Variants in ELK3 observed in about 807,000 individuals in gnomAD.
ELK3 encodes ETS domain-containing protein Elk-3.
Under a neutral mutation model 28.9 loss-of-function variants are expected in ELK3, and 10 were observed. The observed-to-expected ratio is 0.35, with a 90% CI of 0.21 to 0.59. The LOEUF (loss-of-function observed/expected upper bound fraction) is 0.59, where lower values mean the gene tolerates loss of function less well. ELK3 is among the 20% of genes least tolerant of loss of function. The pLI is 0.82. For missense variants in ELK3, 463 were observed against 517.3 expected, an observed-to-expected ratio of 0.90 and a Z score of 1.02; for synonymous variants, 272 against 243.5, an observed-to-expected ratio of 1.12 and a Z score of -1.09.
intron 2 of ELK3, among the ~76,000 whole-genome samples, chr12:96,237,000 G>A (rs1592682456): frequency 6.6e-6 from 1 of 152,096 alleles, no homozygotes; most frequent in African/African-American, 2.4e-5. Flanking sequence ...CTGCCTCCAC[G>A]TCCCATGACC....
intron 1 of ELK3, among the ~76,000 whole-genome samples, chr12:96,206,500 A>G (rs941889397): frequency 6.6e-6 from 1 of 151,992 alleles, no homozygotes; most frequent in Non-Finnish European, 1.5e-5. Context: ...TATTTTTAGT[A>G]GAGATGTTGG....
intron 1 of ELK3, among the ~76,000 whole-genome samples, chr12:96,219,390 C>T (rs1416853702): frequency 1.3e-5 from 2 of 152,122 alleles, no homozygotes; most frequent in African/African-American, 2.4e-5. Context: ...ATTGGAAGGG[C>T]GTACCTCCCA....
chr12:96,218,983 T>TA (rs1413004932), intron 1 of ELK3, among the ~76,000 whole-genome samples: 3 of 152,110 alleles, frequency 2.0e-5, no homozygotes, highest in African/African-American at 4.8e-5. Flanking sequence ...AAGGGAATTT[T>TA]AAAAAAAAGA....
chr12:96,210,081 A>T (rs972364808), intron 1 of ELK3, among the ~76,000 whole-genome samples: 28 of 152,156 alleles, frequency 1.8e-4, no homozygotes, highest in African/African-American at 6.8e-4. Flanking sequence ...TTTGGGGAAA[A>T]GATTTTCCAT....
rs146090608 is a variant in ELK3 at position 96,244,005 on chromosome 12, C to CAA, written c.208-2916_208-2915dup. ...TGGACGACAGAGCAAGACTCCATCTCAAAAAAAAAAAAAAAAAAAATCTAT... is the reference window on the plus strand; with the variant it reads ...TGGACGACAGAGCAAGACTCCATCTCAAAAAAAAAAAAAAAAAAAAAATCTAT... On this transcript the variant is annotated intron_variant, in intron 2 of 4. Transcript: ENST00000228741. Among the ~76,000 whole-genome samples the CAA allele has an allele frequency of 1.0e-3, 114 of 111,098 alleles. 1 individual carries two copies. In the Middle Eastern group the frequency reaches 0.014, roughly 13 times the overall value. 72.9% of individuals were successfully genotyped at this position (111,098 alleles called of 152,430 possible). A position where few individuals can be genotyped will look rare whatever the true frequency, so the allele number is the denominator to read the frequency against.
chr12:96,231,786 G>C (rs1345026695), intron 2 of ELK3, among the ~76,000 whole-genome samples: 1 of 152,140 alleles, frequency 6.6e-6, no homozygotes, highest in African/African-American at 2.4e-5. Context: ...ACCTGGCCTA[G>C]GGTTTTTAAT....
chr12:96,261,506 C>A (rs181396452), intron 4 of ELK3, among the ~76,000 whole-genome samples: 1 of 152,176 alleles, frequency 6.6e-6, no homozygotes, highest in African/African-American at 2.4e-5. Context: ...CAGCAGAATT[C>A]TAAAATTAAT....
At chr12:96,259,154 C>T (rs966059758) in intron 3 of ELK3, among the ~76,000 whole-genome samples, 8 of 152,232 alleles carry the variant, frequency 5.3e-5, no homozygotes, top group South Asian at 4.1e-4. Context: ...ACCATTCGGA[C>T]GAAAGTTGAT....
At chr12:96,227,046 C>T (rs1182490719) in intron 2 of ELK3, among the ~76,000 whole-genome samples, 1 of 152,216 alleles carries the variant, frequency 6.6e-6, no homozygotes, top group Non-Finnish European at 1.5e-5. Context: ...CCGTTTTCGA[C>T]TCACAGAAAT....
At chr12:96,265,048 G>A (rs530976459) in intron 4 of ELK3, among the ~76,000 whole-genome samples, 2 of 152,294 alleles carry the variant, frequency 1.3e-5, no homozygotes, top group South Asian at 4.1e-4. Context: ...AATGGAAGAA[G>A]GGCGAGTTTT....
chr12:96,223,708 C>A lies in ELK3; in HGVS notation c.142C>A (p.Arg48=), dbSNP rs776745602. The A allele has an allele frequency of 2.4e-5, 39 of 1,613,892 alleles. No homozygotes were observed. In the Middle Eastern group the frequency reaches 6.6e-4, roughly 27 times the overall value. The stretch of plus-strand genomic sequence containing the variant: ...AGAAGTGGCCAAGCTGTGGGGACTC[C>A]GAAAAAACAAAACAAATATGAACTA... ...AEEVAKLWGL[R]KNKTNMNYDK... Residue 48 remains arginine (R), a synonymous_variant, in exon 2 of 5, where the codon CGA becomes AGA. Coordinates refer to ENST00000228741, the MANE Select transcript of ELK3 (RefSeq NM_005230.4).
At chr12:96,207,152 A>G (rs932530074) in intron 1 of ELK3, among the ~76,000 whole-genome samples, 7 of 152,218 alleles carry the variant, frequency 4.6e-5, no homozygotes, top group African/African-American at 1.7e-4. Context: ...CAGACATTGA[A>G]TGAGAGGTGA....
chr12:96,243,967 CTACATTCCAGCCT>C, intron 2 of ELK3, among the ~76,000 whole-genome samples: 1 of 143,994 alleles, frequency 6.9e-6, no homozygotes, highest in South Asian at 2.2e-4. Flanking sequence ...GATCACGCCA[CTACATTCCAGCCT>C]GGACGACAGA....
intron 1 of ELK3, among the ~76,000 whole-genome samples, chr12:96,202,039 C>T (rs972691820): frequency 2.6e-5 from 4 of 152,142 alleles, no homozygotes; most frequent in African/African-American, 7.2e-5. Flanking sequence ...TGAAATTCCT[C>T]CTCCTTCCTT....
rs2137050011 is a variant in ELK3, at chr12:96,269,089, AGAAGCT to A, written c.*1911_*1916del. The A allele has an allele frequency of 6.6e-6, 1 of 152,374 alleles. No homozygotes were observed. The highest frequency in any genetic ancestry group is 1.9e-4 in the East Asian group (1 of 5,184). The allele number at this position is 152,374 out of a possible 1,614,324, so 9.4% of individuals were successfully genotyped here. A position where few individuals can be genotyped will look rare whatever the true frequency, so the allele number is the denominator to read the frequency against. On this transcript the variant is annotated 3_prime_UTR_variant, in exon 5 of 5. Transcript: ENST00000228741. ...TTCCAGCTCAAGACAGGTGCACAGC[AGAAGCT>A]GGGAGTTGCCTATGGCTGCACAGCT...
chr12:96,264,644 G>A (rs889902667), intron 4 of ELK3, among the ~76,000 whole-genome samples: 2 of 152,048 alleles, frequency 1.3e-5, no homozygotes, highest in African/African-American at 2.4e-5. Flanking sequence ...AATTGGCCAC[G>A]TGTGCTGGCG....
chr12:96,226,914 AAG>A (rs1475419534), intron 2 of ELK3, among the ~76,000 whole-genome samples: 1 of 152,178 alleles, frequency 6.6e-6, no homozygotes, highest in African/African-American at 2.4e-5. Flanking sequence ...GCATGTCAAA[AAG>A]AGATGACGAA....
intron 3 of ELK3, among the ~76,000 whole-genome samples, chr12:96,249,952 GTGCC>G (rs1951891148): frequency 6.6e-6 from 1 of 152,172 alleles, no homozygotes; most frequent in South Asian, 2.1e-4. Flanking sequence ...GGCAGTGAGG[GTGCC>G]TGGTCCTCAG....
chr12:96,247,665 C>A lies in ELK3; in HGVS notation c.933C>A (p.Ile311=). 1 of 1,612,262 alleles carries A rather than the reference C, an allele frequency of 6.2e-7. No homozygotes were observed. ...APPLVLSGTD[I]GSIALNSPAL... is the part of the protein sequence containing the mutation. ...CGCTGGTGCTCTCCGGCACCGACATCGGCTCCATCGCCCTCAACAGCCCAG... is the reference window on the plus strand; with the variant it reads ...CGCTGGTGCTCTCCGGCACCGACATAGGCTCCATCGCCCTCAACAGCCCAG... The change falls in exon 3 of 5, where the codon ATC becomes ATA. Residue 311 remains isoleucine (I), a synonymous_variant. Transcript: ENST00000228741. This position sits in a 1 kb window ranked among gnomAD's most constrained non-coding sequence, Gnocchi z 5.5.
Sources: allele counts gnomAD v4.1 joint callset (sites outside exome capture counted in the v4.1 genomes callset), GRCh38; gene constraint gnomAD v4.1.1; non-coding constraint Gnocchi (gnomAD v3.1); transcripts MANE v1.5; gene names NCBI Gene and HGNC (gene_info 2026-07-23, HGNC 2026-07-21).